SCAMP3: variants seen among roughly 807,000 people sequenced by gnomAD.
SCAMP3 encodes secretory carrier membrane protein 3.
SCAMP3 carries 30 observed loss-of-function variants against 44.1 expected under a neutral mutation model. The observed-to-expected ratio is 0.68, with a 90% confidence interval of 0.51 to 0.92. The LOEUF is 0.92. Ranked by LOEUF, SCAMP3 falls within the 40% of genes least tolerant of loss-of-function variation. The probability of loss-of-function intolerance (pLI) is 0.00; values close to 1 mark genes in which losing one functional copy is unlikely to be tolerated. For synonymous variants in SCAMP3, 168 were observed against 171.1 expected (o/e 0.98, Z 0.14); for missense variants, 394 against 440.0 (o/e 0.90, Z 0.93).
At chr1:155,262,056 G>A (rs760822344) in intron 1 of SCAMP3, 30 bp downstream of exon 1, 3 of 1,606,070 alleles carry the variant, frequency 1.9e-6, no homozygotes, top group African/African-American at 1.3e-5. Flanking sequence ...CAACCTGACC[G>A]CCCAAAAGAG....
intron 4 of SCAMP3, 68 bp from the exon 5 acceptor site, chr1:155,259,022 C>T: frequency 7.1e-7 from 1 of 1,412,510 alleles, no homozygotes; most frequent in Admixed American, 2.2e-5. Flanking sequence ...ATCACTCCCC[C>T]TTCTCTCCAT....
Position 155,261,869 on chromosome 1 carries a change from A to G in SCAMP3, c.67-135T>C, listed in dbSNP as rs1672974736. The G allele has an allele frequency of 3.4e-6, 3 of 879,520 alleles. No individual in the cohort carries two copies. In the South Asian group the frequency reaches 4.3e-5, roughly 13 times the overall value. The allele number at this position is 879,520 out of a possible 1,614,324, so 54.5% of individuals were successfully genotyped here. A position where few individuals can be genotyped will look rare whatever the true frequency, so the allele number is the denominator to read the frequency against. ...GCCGTTGTCCCAGGACTGGGACAAC[A>G]TTTACCTCAAATCCATCATCCAACA... On this transcript the variant is annotated intron_variant, in intron 1 of 8. Transcript: ENST00000302631.
At chr1:155,257,262 G>A in intron 7 of SCAMP3, 23 bp downstream of exon 7, 1 of 1,475,576 alleles carries the variant, frequency 6.8e-7, no homozygotes, top group Non-Finnish European at 9.5e-7. Context: ...GGAAAGGTGA[G>A]GGTGGATAAC....
At position 155,256,786 on chromosome 1, in the gene SCAMP3, C is replaced by T; in HGVS notation, c.785G>A (p.Trp262Ter). The T allele has an allele frequency of 6.2e-7, 1 of 1,613,806 alleles. No individual in the cohort carries two copies. The highest frequency in any genetic ancestry group is 8.5e-7 in the Non-Finnish European group (1 of 1,179,680). ...CTTCGGCACCACCAGAGCAGAGATC[C>T]AGCCACTGTAAAGGGAAGGATGTAC... ...IGIPGWGFSG[W>*]ISALVVPKGN... The change falls in exon 8 of 9, where the codon TGG becomes TAG. Residue 262 changes from tryptophan to a stop codon, truncating the protein, a stop_gained. Coordinates refer to ENST00000302631, the MANE Select transcript of SCAMP3 (RefSeq NM_005698.4). LOFTEE classifies it high-confidence loss of function.
Position 155,262,342 on chromosome 1 carries a change from C to A in SCAMP3, c.-191G>T. The A allele has an allele frequency of 1.7e-6, 1 of 590,126 alleles. No homozygotes were observed. Among genetic ancestry groups the A allele is most frequent in the Admixed American group, 3.2e-5 (1 of 31,696 alleles). The allele number at this position is 590,126 out of a possible 1,614,324, so 36.6% of individuals were successfully genotyped here. ...CCGTGGGTTGCGCCTGCGTCTTGTC[C>A]AAAAGCTAAGACGAAAGTGCCCCCA... On this transcript the variant is annotated 5_prime_UTR_variant, in exon 1 of 9. Transcript: ENST00000302631.
Position 155,262,215 on chromosome 1 carries a change from C to A in SCAMP3, c.-64G>T. ...GCCCCTGCCGCAGCAGTGGCGGTAG[C>A]GGTAGCCCTCAGAGTCCACTTCACT... On this transcript the variant is annotated 5_prime_UTR_variant, in exon 1 of 9. Transcript: ENST00000302631. 1 of 1,477,612 alleles carries A rather than the reference C, an allele frequency of 6.8e-7. No individual in the cohort carries two copies. The highest frequency in any genetic ancestry group is 9.4e-7 in the Non-Finnish European group (1 of 1,067,996). 91.5% of individuals were successfully genotyped at this position (1,477,612 alleles called of 1,614,324 possible). A position where few individuals can be genotyped will look rare whatever the true frequency, so the allele number is the denominator to read the frequency against.
At position 155,256,326 on chromosome 1, in the gene SCAMP3, C is replaced by T. The variant is rs2990233; in HGVS notation, c.991G>A (p.Ala331Thr). The T allele has an allele frequency of 3.7e-6, 6 of 1,602,286 alleles. No homozygotes were observed. Among genetic ancestry groups the T allele is most frequent in the Middle Eastern group, 1.8e-4 (1 of 5,576 alleles). The change falls in exon 9 of 9, where the codon GCA (alanine) becomes ACA (threonine). Residue 331 changes from alanine to threonine, a missense_variant. Ala to Thr is a moderately conservative substitution (Grantham distance 58). Coordinates refer to ENST00000302631, the MANE Select transcript of SCAMP3 (RefSeq NM_005698.4). ...GCCCCAGCGGCTGCATTGGCAGCTGCGGTTCGCACCGCAGGGTTGGAGAAG... is the reference window on the plus strand; with the variant it reads ...GCCCCAGCGGCTGCATTGGCAGCTGTGGTTCGCACCGCAGGGTTGGAGAAG... The part of the protein sequence containing the change: ...GVFSNPAVRT[A>T]AANAAAGAAE...
rs1040589217 is a variant in SCAMP3 at position 155,261,734 on chromosome 1, C to T, written c.67G>A (p.Asp23Asn). 3 of 1,613,810 alleles carry T rather than the reference C, an allele frequency of 1.9e-6. No individual in the cohort carries two copies. The highest frequency in any genetic ancestry group is 8.5e-7 in the Non-Finnish European group (1 of 1,179,964). ...EPSELDNPFQDPAVIQHRPSR... is the reference protein window; with the variant it reads ...EPSELDNPFQNPAVIQHRPSR... ...GGTCGGTGCTGGATCACAGCTGGGT[C>T]CTGAGGGCAGAGACCCGGGTCTCAG... The change falls in exon 2 of 9, where the codon GAC (aspartate) becomes AAC (asparagine). Residue 23 changes from aspartate to asparagine, a missense_variant and splice_region_variant. Transcript: ENST00000302631.
chr1:155,256,470 C>T, intron 8 of SCAMP3, 51 bp from the exon 9 acceptor site: 1 of 1,550,114 alleles, frequency 6.5e-7, no homozygotes, highest in Admixed American at 1.8e-5. Flanking sequence ...ACTGGTTCCC[C>T]ACCCCAGCCT....
At position 155,260,339 on chromosome 1, in the gene SCAMP3, C is replaced by A; in HGVS notation, c.379G>T (p.Gly127Cys). 1 of 1,611,920 alleles carries A rather than the reference C, an allele frequency of 6.2e-7. No homozygotes were observed. The highest frequency in any genetic ancestry group is 8.5e-7 in the Non-Finnish European group (1 of 1,180,028). ...ERELQHAALG[G>C]TATRQNNWPP... Reference sequence around the variant, plus strand: ...CCACTCTATTACTTACTAGCTGTGCCCCCCAGGGCAGCATGCTGCAGCTCT... The same window carrying A: ...CCACTCTATTACTTACTAGCTGTGCACCCCAGGGCAGCATGCTGCAGCTCT... The change falls in exon 4 of 9, where the codon GGC becomes TGC. Residue 127 changes from glycine to cysteine, a missense_variant. By Grantham distance (159) the Gly-to-Cys change is radical. Coordinates refer to ENST00000302631, the MANE Select transcript of SCAMP3 (RefSeq NM_005698.4).
rs150276923 is a variant in SCAMP3, at chr1:155,260,017, T to A, written c.388+313A>T. Among the ~76,000 whole-genome samples the A allele has an allele frequency of 4.2e-3, 639 of 151,692 alleles. 7 individuals carry two copies. Among genetic ancestry groups the A allele is most frequent in the African/African-American group, 0.015 (608 of 41,342 alleles). On this transcript the variant is annotated intron_variant, in intron 4 of 8. Coordinates refer to ENST00000302631, the MANE Select transcript of SCAMP3 (RefSeq NM_005698.4). ...ACCAGGCTGGAGTGCAGTGGCGCTA[T>A]CTCGGCTCACTGCAACCTCCACCTC...
In SCAMP3 at chr1:155,261,795, A is replaced by G; in HGVS notation, c.67-61T>C. The G allele has an allele frequency of 9.9e-6, 15 of 1,519,168 alleles. No individual in the cohort carries two copies. In the South Asian group the frequency reaches 1.6e-4, roughly 16 times the overall value. 94.1% of individuals were successfully genotyped at this position (1,519,168 alleles called of 1,614,324 possible). A position where few individuals can be genotyped will look rare whatever the true frequency, so the allele number is the denominator to read the frequency against. ...GTGCCACCTAGGGGAATTCCCAGGG[A>G]CCATTCCCAAACTGCCTGTGGCTCC... On this transcript the variant is annotated intron_variant, in intron 1 of 8. Transcript: ENST00000302631.
chr1:155,261,474 TTGGTGGCCC>T, intron 2 of SCAMP3, 174 bp downstream of exon 2: 1 of 640,418 alleles, frequency 1.6e-6, no homozygotes, highest in East Asian at 2.7e-5. Flanking sequence ...ACCATTTGGG[TTGGTGGCCC>T]TGGTGGCCCT....
intron 4 of SCAMP3, among the ~76,000 whole-genome samples, chr1:155,259,232 T>G (rs974543887): frequency 2.7e-5 from 4 of 148,562 alleles, no homozygotes; most frequent in Admixed American, 6.8e-5. Flanking sequence ...TGGAGTGCAG[T>G]GGTGTGATCT....
chr1:155,259,396 C>G (rs1189363486), intron 4 of SCAMP3, among the ~76,000 whole-genome samples: 1 of 152,126 alleles, frequency 6.6e-6, no homozygotes, highest in East Asian at 1.9e-4. Context: ...TCCTGAACTC[C>G]TGACCTCAGG....
chr1:155,259,046 CTTTTTTT>C, intron 4 of SCAMP3, 92 bp from the exon 5 acceptor site: 59 of 486,880 alleles, frequency 1.2e-4, no homozygotes, highest in East Asian at 5.3e-4. Context: ...TGGATCCTCT[CTTTTTTT>C]TTTTTTTTTT....
At chr1:155,256,904 G>A (rs528068618) in intron 7 of SCAMP3, 113 bp from the exon 8 acceptor site, 12 of 754,698 alleles carry the variant, frequency 1.6e-5, no homozygotes, top group East Asian at 1.1e-4. Context: ...CCTGTCAATC[G>A]AGCAGCATTC....
rs1672838362 is a variant in SCAMP3, at chr1:155,257,546, G to A, written c.629C>T (p.Thr210Ile). 1 of 1,611,508 alleles carries A rather than the reference G, an allele frequency of 6.2e-7. No individual in the cohort carries two copies. The highest frequency in any genetic ancestry group is 2.2e-5 in the East Asian group (1 of 44,874). The change falls in exon 6 of 9, where the codon ACT (threonine) becomes ATT (isoleucine). Residue 210 changes from threonine (T) to isoleucine (I), a missense_variant. Transcript: ENST00000302631. Reference sequence around the variant, plus strand: ...GTACCAGCAGACAAAGGAGCAGGGAGTGAAAAGGAGGACCCAGAGGATAGA... The same window carrying A: ...GTACCAGCAGACAAAGGAGCAGGGAATGAAAAGGAGGACCCAGAGGATAGA... ...GLSILWVLLF[T>I]PCSFVCWYRP...
chr1:155,257,659 T>C lies in SCAMP3; in HGVS notation c.518-2A>G. 1 of 1,554,808 alleles carries C rather than the reference T, an allele frequency of 6.4e-7. No individual in the cohort carries two copies. The highest frequency in any genetic ancestry group is 8.7e-7 in the Non-Finnish European group (1 of 1,148,992). On this transcript the variant is annotated splice_acceptor_variant, in intron 5 of 8. Coordinates refer to ENST00000302631, the MANE Select transcript of SCAMP3 (RefSeq NM_005698.4). LOFTEE classifies it high-confidence loss of function. ...TCAGGAGAAGAGCCAGCGTGCTGCC[T>C]AAGGGGCAGAGGGACAGGATGAGGA...
Sources: gnomAD v4.1 joint callset for allele counts (sites outside exome capture counted in the v4.1 genomes callset) on GRCh38, gnomAD v4.1.1 for gene constraint, MANE v1.5 for transcripts, NCBI Gene and HGNC (gene_info 2026-07-23, HGNC 2026-07-21) for gene names.